Variants in DSCAML1 observed in about 807,000 individuals in gnomAD.
DSCAML1 encodes the protein DS cell adhesion molecule like 1, also known as cell adhesion molecule DSCAML1.
A neutral mutation model predicts 200.5 loss-of-function variants in DSCAML1; 38 were observed. The observed-to-expected ratio is 0.19, with a 90% CI of 0.15 to 0.25. The LOEUF (loss-of-function observed/expected upper bound fraction) is 0.25. Ranked by LOEUF, DSCAML1 falls within the 10% of genes least tolerant of loss-of-function variation. The pLI is 1.00. For missense variants in DSCAML1, 2,223 were observed against 2,858.8 expected (o/e 0.78, Z 5.07); for synonymous variants, 1,215 against 1,165.0 (o/e 1.04, Z -0.87).
chr11:117,691,634 G>A (rs766326593), intron 3 of DSCAML1, among the ~76,000 whole-genome samples: 10 of 152,168 alleles, frequency 6.6e-5, no homozygotes, highest in Non-Finnish European at 8.8e-5. Context: ...AGTCGGATTC[G>A]TTCCCTGCTC....
chr11:117,651,675 G>A (rs1216066661), intron 3 of DSCAML1, among the ~76,000 whole-genome samples: 5 of 124,016 alleles, frequency 4.0e-5, no homozygotes, highest in African/African-American at 1.6e-4. Context: ...TCTTGCCAGC[G>A]TACTCCAGCC....
Position 117,437,086 on chromosome 11 carries a change from A to G in DSCAML1, c.4720+36T>C, listed in dbSNP as rs369401611. ...CACTTCCTTCGCACCACCCTGCTCC[A>G]GCCTCTGTACCATCCCTTCCACCCT... On this transcript the variant is annotated intron_variant, in intron 26 of 32. Coordinates refer to ENST00000651296, the MANE Select transcript of DSCAML1 (RefSeq NM_020693.4). This position sits in a 1 kb window ranked among gnomAD's most constrained non-coding sequence, Gnocchi z 5.3. 29 of 1,588,796 alleles carry G rather than the reference A, an allele frequency of 1.8e-5. No homozygotes were observed. The highest frequency in any genetic ancestry group is 2.1e-5 in the Non-Finnish European group (24 of 1,165,332).
At position 117,608,334 on chromosome 11, in the gene DSCAML1, G is replaced by A. The variant is rs552596548; in HGVS notation, c.512-75812C>T. Among the ~76,000 whole-genome samples the A allele has an allele frequency of 3.3e-5, 5 of 152,178 alleles. No individual in the cohort carries two copies. In the East Asian group the frequency reaches 5.8e-4, roughly 18 times the overall value. ...TTTTCTGATCATAAAAATGAAGCAC[G>A]CTTATTAAAAATGGAAACATATTGA... On this transcript the variant is annotated intron_variant, in intron 3 of 32. Transcript: ENST00000651296.
intron 3 of DSCAML1, among the ~76,000 whole-genome samples, chr11:117,543,938 T>C (rs1302184608): frequency 6.6e-6 from 1 of 152,168 alleles, no homozygotes; most frequent in Non-Finnish European, 1.5e-5. Flanking sequence ...GATGCCTTCC[T>C]GAAGCAGGAA....
At chr11:117,517,013 C>T (rs186915588) in intron 7 of DSCAML1, among the ~76,000 whole-genome samples, 3 of 152,300 alleles carry the variant, frequency 2.0e-5, no homozygotes. Context: ...GGCCAAGAGC[C>T]ATTCCCCTCG....
At chr11:117,671,072 G>C (rs1431816075) in intron 3 of DSCAML1, among the ~76,000 whole-genome samples, 2 of 152,210 alleles carry the variant, frequency 1.3e-5, no homozygotes, top group African/African-American at 4.8e-5. Flanking sequence ...CATAAGGAAT[G>C]CACTTGACGT....
intron 3 of DSCAML1, among the ~76,000 whole-genome samples, chr11:117,745,702 T>TC (rs2054505596): frequency 6.6e-6 from 1 of 152,178 alleles, no homozygotes; most frequent in African/African-American, 2.4e-5. Context: ...TCTGCCTGCC[T>TC]CGTTATGCTA....
chr11:117,438,851 C>T lies in DSCAML1; in HGVS notation c.4243+34G>A, dbSNP rs754621143. On this transcript the variant is annotated intron_variant, in intron 24 of 32. Coordinates refer to ENST00000651296, the MANE Select transcript of DSCAML1 (RefSeq NM_020693.4). ...CCTGCCCCGGGCCCAGAATTCCTTC[C>T]CCTATCTTCCCCCGCATCCAGACCC... The T allele has an allele frequency of 6.0e-6, 9 of 1,494,604 alleles. No individual in the cohort carries two copies. The East Asian group carries it at 1.6e-4, about 26-fold the overall frequency. The allele number at this position is 1,494,604 out of a possible 1,614,324, so 92.6% of individuals were successfully genotyped here. A position where few individuals can be genotyped will look rare whatever the true frequency, so the allele number is the denominator to read the frequency against.
chr11:117,478,516 A>G (rs1016598437), intron 14 of DSCAML1, among the ~76,000 whole-genome samples: 2 of 151,988 alleles, frequency 1.3e-5, no homozygotes, highest in African/African-American at 4.8e-5. Context: ...CTGGATACCA[A>G]TTTCTTCCAC....
rs2049832331 is a variant in DSCAML1 at position 117,518,863 on chromosome 11, A to G, written c.1214-101T>C. On this transcript the variant is annotated intron_variant, in intron 6 of 32. Coordinates refer to ENST00000651296, the MANE Select transcript of DSCAML1 (RefSeq NM_020693.4). The surrounding 1 kb of genome is among the most constrained non-coding windows in gnomAD (Gnocchi z 6.3). ...AGGGGAGGAGGCAAAAAGCAGCCATAAGAGCAAACAAGAACTTTTGTGTAC... is the reference window on the plus strand; with the variant it reads ...AGGGGAGGAGGCAAAAAGCAGCCATGAGAGCAAACAAGAACTTTTGTGTAC... 1 of 1,309,262 alleles carries G rather than the reference A, an allele frequency of 7.6e-7. No individual in the cohort carries two copies. The highest frequency in any genetic ancestry group is 2.5e-5 in the East Asian group (1 of 40,084). 81.1% of individuals were successfully genotyped at this position (1,309,262 alleles called of 1,614,324 possible).
rs1244128670 is a variant in DSCAML1, at chr11:117,504,555, C to G, written c.2182+369G>C. Reference sequence around the variant, plus strand: ...ATGAAATTGGGCTCCAAGAAGGACCCTGACCCCAGAAAAGGTTGACTGGTG... The same window carrying G: ...ATGAAATTGGGCTCCAAGAAGGACCGTGACCCCAGAAAAGGTTGACTGGTG... On this transcript the variant is annotated intron_variant, in intron 10 of 32. Transcript: ENST00000651296. This position sits in a 1 kb window ranked among gnomAD's most constrained non-coding sequence, Gnocchi z 5.0. Among the ~76,000 whole-genome samples, 1 of 152,170 alleles carries G rather than the reference C, an allele frequency of 6.6e-6. No homozygotes were observed. Among genetic ancestry groups the G allele is most frequent in the East Asian group, 1.9e-4 (1 of 5,180 alleles).
At position 117,482,008 on chromosome 11, in the gene DSCAML1, G is replaced by C; in HGVS notation, c.2514C>G (p.Ala838=). 1 of 1,614,154 alleles carries C rather than the reference G, an allele frequency of 6.2e-7. No individual in the cohort carries two copies. Among genetic ancestry groups the C allele is most frequent in the Non-Finnish European group, 8.5e-7 (1 of 1,179,992 alleles). The change falls in exon 12 of 33, where the codon GCC becomes GCG. Residue 838 remains alanine, a synonymous_variant. Coordinates refer to ENST00000651296, the MANE Select transcript of DSCAML1 (RefSeq NM_020693.4). ...VIDPDRVMRY[A]IATKDNGDEV... ...CGTCGCCGTTGTCCTTGGTGGCGAT[G>C]GCATACCGCATGACGCGGTCAGGGT...
chr11:117,805,485 A>T (rs1186701742), intron 1 of DSCAML1, among the ~76,000 whole-genome samples: 4 of 152,266 alleles, frequency 2.6e-5, no homozygotes, highest in African/African-American at 7.2e-5. Flanking sequence ...TCTATGGTCA[A>T]ATAGGTTTGG....
At position 117,518,593 on chromosome 11, in the gene DSCAML1, C is replaced by T. The variant is rs746033123; in HGVS notation, c.1383G>A (p.Met461Ile). Residue 461 changes from methionine (M) to isoleucine (I), a missense_variant, in exon 7 of 33, where the codon ATG becomes ATA. Physicochemically the swap from Met to Ile is conservative, Grantham distance 10. Coordinates refer to ENST00000651296, the MANE Select transcript of DSCAML1 (RefSeq NM_020693.4). The surrounding 1 kb of genome is among the most constrained non-coding windows in gnomAD (Gnocchi z 6.3). ...TGTGGCTGATGGTGGTGCCGTCCGA[C>T]ATGGTGTACTGGTTGGTGCGGTGGC... is the stretch of plus-strand genomic sequence containing the variant. ...DGSHRTNQYTMSDGTTISHMN... is the reference protein window; with the variant it reads ...DGSHRTNQYTISDGTTISHMN... 80 of 1,613,922 alleles carry T rather than the reference C, an allele frequency of 5.0e-5. No homozygotes were observed. Among genetic ancestry groups the T allele is most frequent in the Non-Finnish European group, 6.7e-5 (79 of 1,180,002 alleles).
intron 3 of DSCAML1, among the ~76,000 whole-genome samples, chr11:117,549,558 C>A (rs2050434379): frequency 6.6e-6 from 1 of 152,224 alleles, no homozygotes; most frequent in African/African-American, 2.4e-5. Flanking sequence ...CAGTACCAAT[C>A]ACACAGAGTT....
chr11:117,444,061 G>C, intron 20 of DSCAML1, 22 bp from the exon 21 acceptor site: 1 of 1,594,244 alleles, frequency 6.3e-7, no homozygotes, highest in South Asian at 1.1e-5. Context: ...AGGCAAAGAG[G>C]CTCTAAGAAG....
At chr11:117,522,190 G>T (rs937406445) in intron 5 of DSCAML1, among the ~76,000 whole-genome samples, 1 of 152,154 alleles carries the variant, frequency 6.6e-6, no homozygotes, top group Non-Finnish European at 1.5e-5. Context: ...CTCATCCTTC[G>T]CATGGTGTCA....
chr11:117,431,194 T>C (rs754943601), intron 31 of DSCAML1, among the ~76,000 whole-genome samples, 161 bp from the exon 32 acceptor site: 2 of 152,154 alleles, frequency 1.3e-5, no homozygotes, highest in Non-Finnish European at 2.9e-5. Flanking sequence ...GTGGCAGAAG[T>C]AGGATCTTTG....
intron 5 of DSCAML1, 103 bp downstream of exon 5, chr11:117,524,702 G>C: frequency 7.2e-7 from 1 of 1,396,468 alleles, no homozygotes; most frequent in Admixed American, 2.8e-5. Flanking sequence ...TTATTCCCAG[G>C]GCCTGGTCAG....
Sources: gnomAD v4.1 joint callset for allele counts (sites outside exome capture counted in the v4.1 genomes callset) on GRCh38, gnomAD v4.1.1 for gene constraint, Gnocchi (gnomAD v3.1) non-coding constraint, MANE v1.5 for transcripts, NCBI Gene and HGNC (gene_info 2026-07-23, HGNC 2026-07-21) for gene names.